The following XKR9 variants were observed in gnomAD, a reference collection of about 807,000 sequenced individuals.
The protein encoded by XKR9 is XK related 9, also known as XK-related protein 9.
In XKR9, 32 loss-of-function variants were observed where a neutral mutation model predicts 32.0. The ratio of observed to expected loss-of-function variants is 1.00; its 90% confidence interval spans 0.76 to 1.34. XKR9 has a LOEUF of 1.34. XKR9 is among the 40% of genes most tolerant of loss of function. XKR9 has a pLI of 0.00. For missense variants in XKR9, 546 were observed against 429.7 expected (o/e 1.27, Z -2.39); for synonymous variants, 168 against 143.4 (o/e 1.17, Z -1.22).
At chr8:71,030,457 A>G in the XKR9 span, among the ~76,000 whole-genome samples, 44,975 of 152,072 alleles carry the variant, frequency 0.3, 8,628 homozygotes, top group Non-Finnish European at 0.43. Flanking sequence ...AGTGATCTTC[A>G]AGTCCAAAGT....
At chr8:70,741,053 C>T (rs955921895) in intron 2 of XKR9, among the ~76,000 whole-genome samples, 2 of 152,220 alleles carry the variant, frequency 1.3e-5, no homozygotes, top group Non-Finnish European at 2.9e-5. Context: ...TTTTGTTTGT[C>T]TGTGCCCTGC....
chr8:70,712,692 G>C (rs778866423), intron 4 of XKR9, among the ~76,000 whole-genome samples: 2 of 151,418 alleles, frequency 1.3e-5, no homozygotes, highest in Non-Finnish European at 2.9e-5. Flanking sequence ...ACAACTGTTG[G>C]CTAGTCCAAA....
the XKR9 span, among the ~76,000 whole-genome samples, chr8:70,894,557 T>C: frequency 1.3e-5 from 2 of 152,240 alleles, no homozygotes; most frequent in East Asian, 1.9e-4. Flanking sequence ...TTGCTTCTGC[T>C]CAGGCCTTGT....
intron 3 of XKR9, among the ~76,000 whole-genome samples, chr8:70,700,503 C>G (rs903103360): frequency 2.0e-5 from 3 of 152,146 alleles, no homozygotes; most frequent in Non-Finnish European, 4.4e-5. Flanking sequence ...AGCGGATTTT[C>G]GTGAACTGCA....
At chr8:70,844,702 C>G in the XKR9 span, among the ~76,000 whole-genome samples, 7 of 152,350 alleles carry the variant, frequency 4.6e-5, no homozygotes, top group Non-Finnish European at 7.3e-5. Context: ...GTACTTCTCC[C>G]AGTGGACTGA....
At chr8:70,959,986 T>C in the XKR9 span, among the ~76,000 whole-genome samples, 1 of 152,168 alleles carries the variant, frequency 6.6e-6, no homozygotes, top group Non-Finnish European at 1.5e-5. Flanking sequence ...TCCCACCACT[T>C]TGGGAGGCCA....
In XKR9 at chr8:70,734,481, A is replaced by G. The variant is rs1273760075; in HGVS notation, c.*57A>G. On this transcript the variant is annotated 3_prime_UTR_variant, in exon 5 of 5. Transcript: ENST00000408926. ...TTTTGTTTCATTGGTTAGTAAAGAAAATGTGTGTTATGTGGGTGTGTTGTC... is the reference window on the plus strand; with the variant it reads ...TTTTGTTTCATTGGTTAGTAAAGAAGATGTGTGTTATGTGGGTGTGTTGTC... 7.1e-5 allele frequency: 102 copies of G among 1,436,912 alleles called. No homozygotes were observed. The highest frequency in any genetic ancestry group is 9.0e-5 in the Non-Finnish European group (99 of 1,104,514). The allele number at this position is 1,436,912 out of a possible 1,614,324, so 89.0% of individuals were successfully genotyped here. A position where few individuals can be genotyped will look rare whatever the true frequency, so the allele number is the denominator to read the frequency against.
chr8:70,810,672 A>G, the XKR9 span, among the ~76,000 whole-genome samples: 1 of 152,238 alleles, frequency 6.6e-6, no homozygotes, highest in South Asian at 2.1e-4. Flanking sequence ...TTAAACCCAC[A>G]AAGATCAAAA....
the XKR9 span, among the ~76,000 whole-genome samples, chr8:71,007,085 C>G: frequency 6.6e-6 from 1 of 152,166 alleles, no homozygotes; most frequent in Non-Finnish European, 1.5e-5. Context: ...CCTCAGCATC[C>G]TGTTGCATAG....
the XKR9 span, among the ~76,000 whole-genome samples, chr8:70,948,457 A>G: frequency 6.6e-6 from 1 of 152,090 alleles, no homozygotes; most frequent in Non-Finnish European, 1.5e-5. Context: ...TCCCACCCAG[A>G]ATCAATAGAC....
chr8:70,977,775 G>T, the XKR9 span, among the ~76,000 whole-genome samples: 1 of 152,064 alleles, frequency 6.6e-6, no homozygotes, highest in South Asian at 2.1e-4. Context: ...GCTGAGTTCA[G>T]GTCCTGGATA....
At chr8:70,856,490 AC>A in the XKR9 span, among the ~76,000 whole-genome samples, 5,270 of 152,308 alleles carry the variant, frequency 0.035, 146 homozygotes, top group South Asian at 0.079. Flanking sequence ...TTAGAGACCT[AC>A]AAAGAGACTT....
At chr8:70,933,912 G>A in the XKR9 span, among the ~76,000 whole-genome samples, 1 of 151,874 alleles carries the variant, frequency 6.6e-6, no homozygotes, top group Non-Finnish European at 1.5e-5. Flanking sequence ...ATACTTACCC[G>A]ATTCTCATGG....
the XKR9 span, among the ~76,000 whole-genome samples, chr8:70,898,281 T>C: frequency 8.5e-5 from 13 of 152,310 alleles, no homozygotes; most frequent in East Asian, 2.5e-3. Context: ...GATCGATGTG[T>C]CTCTTTCTAT....
chr8:70,694,590 A>C (rs1805194586), intron 3 of XKR9, among the ~76,000 whole-genome samples: 1 of 152,190 alleles, frequency 6.6e-6, no homozygotes, highest in Non-Finnish European at 1.5e-5. Context: ...GGGTGGACTC[A>C]GACTCTCCAA....
chr8:71,045,163 C>T, the XKR9 span, among the ~76,000 whole-genome samples: 1 of 152,082 alleles, frequency 6.6e-6, no homozygotes, highest in African/African-American at 2.4e-5. Context: ...AGTAATTTAT[C>T]AAGAAGCTGT....
At chr8:70,828,395 G>A in the XKR9 span, among the ~76,000 whole-genome samples, 1 of 152,186 alleles carries the variant, frequency 6.6e-6, no homozygotes, top group Non-Finnish European at 1.5e-5. Flanking sequence ...AGGTTTAGGT[G>A]GGGGTAGTGG....
the XKR9 span, among the ~76,000 whole-genome samples, chr8:71,062,210 G>C: frequency 6.6e-6 from 1 of 152,172 alleles, no homozygotes; most frequent in Non-Finnish European, 1.5e-5. Context: ...AAGAACAACA[G>C]ATCTAAGGGA....
At chr8:70,709,552 C>A (rs1318968843) in intron 4 of XKR9, among the ~76,000 whole-genome samples, 2 of 152,062 alleles carry the variant, frequency 1.3e-5, no homozygotes, top group Admixed American at 6.6e-5. Context: ...CCTAGAACAC[C>A]CCCATGGTCT....
Sources: gnomAD v4.1 joint callset for allele counts (sites outside exome capture counted in the v4.1 genomes callset) on GRCh38, gnomAD v4.1.1 for gene constraint, MANE v1.5 for transcripts, NCBI Gene and HGNC (gene_info 2026-07-23, HGNC 2026-07-21) for gene names.